The following ATXN7L1 variants were observed in gnomAD, a reference collection of about 807,000 sequenced individuals.
ATXN7L1 encodes the protein ataxin-7-like protein 1.
A neutral mutation model predicts 70.8 loss-of-function variants in ATXN7L1; 15 were observed. The observed-to-expected ratio is 0.21, with a 90% CI of 0.14 to 0.33. The LOEUF (loss-of-function observed/expected upper bound fraction) is 0.33, where lower values mean the gene tolerates loss of function less well. Ranked by LOEUF, ATXN7L1 falls within the 10% of genes least tolerant of loss-of-function variation. The probability of loss-of-function intolerance (pLI) is 1.00; values close to 1 mark genes in which losing one functional copy is unlikely to be tolerated. For synonymous variants in ATXN7L1, 440 were observed against 445.1 expected, an observed-to-expected ratio of 0.99 and a Z score of 0.14; for missense variants, 975 against 1,097.1, an observed-to-expected ratio of 0.89 and a Z score of 1.57.
intron 2 of ATXN7L1, among the ~76,000 whole-genome samples, chr7:105,844,548 C>T (rs991386188): frequency 5.3e-5 from 8 of 152,162 alleles, no homozygotes; most frequent in Admixed American, 3.3e-4. Flanking sequence ...TAAAAACACT[C>T]AACCAACAAG....
At chr7:105,808,949 A>G (rs1460119136) in intron 2 of ATXN7L1, among the ~76,000 whole-genome samples, 1 of 152,218 alleles carries the variant, frequency 6.6e-6, no homozygotes, top group Non-Finnish European at 1.5e-5. Flanking sequence ...TCATTGTCCA[A>G]CCTACGGGGC....
At chr7:105,709,247 T>C (rs76794054) in intron 3 of ATXN7L1, among the ~76,000 whole-genome samples, 9,012 of 152,104 alleles carry the variant, frequency 0.059, 324 homozygotes, top group South Asian at 0.14. Flanking sequence ...GGCAGGAGAA[T>C]TGCTTGAACC....
intron 3 of ATXN7L1, among the ~76,000 whole-genome samples, chr7:105,774,331 G>A (rs1227071442): frequency 6.6e-6 from 1 of 150,542 alleles, no homozygotes; most frequent in Non-Finnish European, 1.5e-5. Context: ...CAGGATTAGG[G>A]TGTCAGTCAG....
chr7:105,761,094 T>C, intron 3 of ATXN7L1: 1 of 1,016,360 alleles, frequency 9.8e-7, no homozygotes, highest in Non-Finnish European at 1.2e-6. Context: ...CAGGAACAGC[T>C]GGAAGGCTTT....
chr7:105,787,775 G>A (rs1804533076), intron 3 of ATXN7L1, among the ~76,000 whole-genome samples: 1 of 152,098 alleles, frequency 6.6e-6, no homozygotes, highest in Non-Finnish European at 1.5e-5. Flanking sequence ...TGGTAAGGAG[G>A]GCATTCAGAT....
intron 3 of ATXN7L1, among the ~76,000 whole-genome samples, chr7:105,781,832 A>AT (rs539770224): frequency 9.2e-5 from 14 of 151,986 alleles, no homozygotes; most frequent in African/African-American, 3.1e-4. Flanking sequence ...CAGAGCTGGA[A>AT]TTTTTTTTAT....
At chr7:105,716,665 G>GCACACACACACACACA (rs58217531) in intron 3 of ATXN7L1, among the ~76,000 whole-genome samples, 2 of 125,524 alleles carry the variant, frequency 1.6e-5, no homozygotes, top group East Asian at 4.6e-4. Context: ...ACCTATCTCT[G>GCACACACACACACACA]CACACACACA....
intron 3 of ATXN7L1, among the ~76,000 whole-genome samples, chr7:105,765,320 A>C (rs965425110): frequency 6.6e-6 from 1 of 151,632 alleles, no homozygotes; most frequent in African/African-American, 2.4e-5. Flanking sequence ...GGTCAGAAAA[A>C]AAAAAAAAAC....
intron 3 of ATXN7L1, chr7:105,678,084 G>T: frequency 1.2e-5 from 9 of 743,546 alleles, no homozygotes; most frequent in Non-Finnish European, 1.5e-5. Context: ...TATGCGTACA[G>T]ACACATACTT....
chr7:105,761,612 G>T, intron 3 of ATXN7L1: 1 of 1,016,836 alleles, frequency 9.8e-7, no homozygotes, highest in Non-Finnish European at 1.4e-6. Flanking sequence ...TCATGATCTT[G>T]TTCTATCAAA....
intron 2 of ATXN7L1, among the ~76,000 whole-genome samples, chr7:105,806,367 G>A (rs1245738353): frequency 6.6e-6 from 1 of 152,114 alleles, no homozygotes; most frequent in African/African-American, 2.4e-5. Context: ...TCACCATGCG[G>A]GCACCCTGAT....
At chr7:105,796,191 C>T (rs987234679) in intron 2 of ATXN7L1, among the ~76,000 whole-genome samples, 2 of 152,112 alleles carry the variant, frequency 1.3e-5, no homozygotes, top group Admixed American at 1.3e-4. Flanking sequence ...AGTGAAATCC[C>T]ATCCCTACTA....
At chr7:105,668,515 A>T (rs760532263) in intron 3 of ATXN7L1, among the ~76,000 whole-genome samples, 1 of 152,124 alleles carries the variant, frequency 6.6e-6, no homozygotes, top group Non-Finnish European at 1.5e-5. Context: ...TGGGAGAATC[A>T]AGGCTGAAGA....
intron 8 of ATXN7L1, among the ~76,000 whole-genome samples, chr7:105,622,997 G>C (rs1385380102): frequency 6.6e-6 from 1 of 152,182 alleles, no homozygotes; most frequent in Non-Finnish European, 1.5e-5. Context: ...GCCCTGCTAC[G>C]TGAGATGATT....
chr7:105,797,575 A>C (rs896274415), intron 2 of ATXN7L1, among the ~76,000 whole-genome samples: 2 of 152,274 alleles, frequency 1.3e-5, no homozygotes, highest in Non-Finnish European at 2.9e-5. Flanking sequence ...TGGAAGCCCA[A>C]GTTCAAATTT....
At chr7:105,745,956 C>T (rs1395941328) in intron 3 of ATXN7L1, among the ~76,000 whole-genome samples, 1 of 152,164 alleles carries the variant, frequency 6.6e-6, no homozygotes, top group Non-Finnish European at 1.5e-5. Context: ...ATAACATGTC[C>T]CAAACCAAAG....
rs532908852 is a variant in ATXN7L1 at position 105,619,646 on chromosome 7, C to T, written c.1517+554G>A. 4.1e-5 allele frequency among the ~76,000 whole-genome samples: 6 copies of T among 147,322 alleles called. No homozygotes were observed. In the South Asian group the frequency reaches 8.8e-4, roughly 22 times the overall value. ...GCTCACTGTGACCTTGAACTCTTGGCCTGAAGCGATCCTCCCACCCCAGGC... is the reference window on the plus strand; with the variant it reads ...GCTCACTGTGACCTTGAACTCTTGGTCTGAAGCGATCCTCCCACCCCAGGC... On this transcript the variant is annotated intron_variant, in intron 9 of 11. Coordinates refer to ENST00000419735, the MANE Select transcript of ATXN7L1 (RefSeq NM_020725.2).
chr7:105,618,022 C>G (rs1312145878), intron 9 of ATXN7L1: 2 of 456,732 alleles, frequency 4.4e-6, no homozygotes, highest in Non-Finnish European at 8.8e-6. Flanking sequence ...CAATGTTGCT[C>G]AGTGACAGCA....
intron 3 of ATXN7L1, among the ~76,000 whole-genome samples, chr7:105,709,079 A>T (rs1289380409): frequency 8.5e-6 from 1 of 118,138 alleles, no homozygotes; most frequent in East Asian, 2.7e-4. Flanking sequence ...CATACCTGTA[A>T]TCCCAGCACT....
Sources: allele counts gnomAD v4.1 joint callset (sites outside exome capture counted in the v4.1 genomes callset), GRCh38; gene constraint gnomAD v4.1.1; transcripts MANE v1.5; gene names NCBI Gene and HGNC (gene_info 2026-07-23, HGNC 2026-07-21).